Variants in KCNK2 observed in about 807,000 individuals in gnomAD.
KCNK2 encodes potassium two pore domain channel subfamily K member 2, also known as potassium channel subfamily K member 2.
KCNK2 carries 21 observed loss-of-function variants against 40.5 expected under a neutral mutation model. The observed-to-expected ratio is 0.52, with a 90% CI of 0.37 to 0.75. The LOEUF (loss-of-function observed/expected upper bound fraction) is 0.75. Ranked by LOEUF, KCNK2 falls within the 30% of genes least tolerant of loss-of-function variation. KCNK2 has a pLI of 0.00. For synonymous variants in KCNK2, 191 were observed against 202.2 expected, an observed-to-expected ratio of 0.94 and a Z score of 0.47; for missense variants, 399 against 531.6, an observed-to-expected ratio of 0.75 and a Z score of 2.45.
intron 1 of KCNK2, among the ~76,000 whole-genome samples, chr1:215,070,415 TAAAAAAAAAAAAAA>T (rs536258219): frequency 5.3e-5 from 5 of 93,584 alleles, no homozygotes; most frequent in Admixed American, 2.8e-4. Context: ...GACCCCGTCT[TAAAAAAAAAAAAAA>T]AAAAAAAAAA....
intron 5 of KCNK2, among the ~76,000 whole-genome samples, chr1:215,178,156 T>A (rs1455256898): frequency 6.6e-6 from 1 of 152,082 alleles, no homozygotes; most frequent in Non-Finnish European, 1.5e-5. Context: ...TTAATTTGGC[T>A]CTGATATTGA....
At chr1:215,205,564 C>T (rs1558138127) in intron 6 of KCNK2, among the ~76,000 whole-genome samples, 1 of 152,134 alleles carries the variant, frequency 6.6e-6, no homozygotes, top group Non-Finnish European at 1.5e-5. Context: ...TTAATTGCAT[C>T]TGTGAGTGCC....
chr1:215,165,495 G>A (rs2102629504), intron 3 of KCNK2, among the ~76,000 whole-genome samples: 1 of 152,224 alleles, frequency 6.6e-6, no homozygotes, highest in East Asian at 1.9e-4. Context: ...GCATACTGAT[G>A]AGGCTAAATA....
chr1:215,218,281 G>C (rs1336026073), intron 6 of KCNK2, among the ~76,000 whole-genome samples: 1 of 152,198 alleles, frequency 6.6e-6, no homozygotes. Context: ...GAAGTCTGAA[G>C]GTGAGTCACT....
rs375712483 is a variant in KCNK2 at position 215,177,740 on chromosome 1, A to ATTTTTTT, written c.823+5563_823+5569dup. Among the ~76,000 whole-genome samples, 526 of 101,570 alleles carry ATTTTTTT rather than the reference A, an allele frequency of 5.2e-3. 4 individuals carry two copies. Among genetic ancestry groups the ATTTTTTT allele is most frequent in the Middle Eastern group, 7.5e-3 (1 of 134 alleles). The allele number at this position is 101,570 out of a possible 152,430, so 66.6% of individuals were successfully genotyped here. ...TATATGTGTATATATATATATATAT[A>ATTTTTTT]TTTTTTTTTTTTGTAGCAGTACCAT... On this transcript the variant is annotated intron_variant, in intron 5 of 6. Transcript: ENST00000444842.
At chr1:215,230,507 GTATATATATA>G (rs201898524) in intron 6 of KCNK2, among the ~76,000 whole-genome samples, 5 of 65,580 alleles carry the variant, frequency 7.6e-5, no homozygotes, top group Admixed American at 5.5e-4. Context: ...ACACACGGCT[GTATATATATA>G]TATATATATA....
chr1:215,034,555 T>C (rs572900357), intron 1 of KCNK2, among the ~76,000 whole-genome samples: 32 of 147,016 alleles, frequency 2.2e-4, no homozygotes, highest in Non-Finnish European at 4.0e-4. Context: ...TTGAAAGTTC[T>C]GGTTGCTGCA....
At chr1:215,149,311 A>G (rs1185016623) in intron 3 of KCNK2, among the ~76,000 whole-genome samples, 2 of 152,112 alleles carry the variant, frequency 1.3e-5, no homozygotes, top group African/African-American at 4.8e-5. Context: ...GTGACAATTT[A>G]TGTTATTTAA....
intron 6 of KCNK2, among the ~76,000 whole-genome samples, chr1:215,217,482 T>G (rs1025336878): frequency 5.9e-5 from 9 of 152,266 alleles, no homozygotes; most frequent in African/African-American, 2.2e-4. Flanking sequence ...AATGAAGACT[T>G]GTTCTTTTCT....
At chr1:215,010,089 G>C (rs1433604278) in intron 1 of KCNK2, among the ~76,000 whole-genome samples, 1 of 152,134 alleles carries the variant, frequency 6.6e-6, no homozygotes, top group Non-Finnish European at 1.5e-5. Context: ...AATAGATTTT[G>C]AGGCTTGGGG....
chr1:215,121,497 A>G (rs910929917), intron 2 of KCNK2, among the ~76,000 whole-genome samples: 2 of 151,992 alleles, frequency 1.3e-5, no homozygotes, highest in African/African-American at 4.8e-5. Context: ...CTGGTCTCCA[A>G]CTCCAGAGCT....
At chr1:215,173,041 A>G (rs1161776534) in intron 5 of KCNK2, among the ~76,000 whole-genome samples, 2 of 152,144 alleles carry the variant, frequency 1.3e-5, no homozygotes, top group Non-Finnish European at 2.9e-5. Context: ...GGTTTGTTAC[A>G]CATGTGCCAT....
intron 5 of KCNK2, among the ~76,000 whole-genome samples, chr1:215,185,670 C>T (rs370233129): frequency 3.9e-5 from 6 of 152,110 alleles, no homozygotes; most frequent in Non-Finnish European, 8.8e-5. Flanking sequence ...ACAGTGTTCT[C>T]GCTTAATTTT....
At chr1:215,077,697 A>G (rs773071469) in intron 1 of KCNK2, among the ~76,000 whole-genome samples, 44 of 151,784 alleles carry the variant, frequency 2.9e-4, no homozygotes, top group Middle Eastern at 6.8e-3. Flanking sequence ...AGCTTTCCAA[A>G]TTCTCCCAGC....
intron 2 of KCNK2, among the ~76,000 whole-genome samples, chr1:215,115,023 G>C (rs1660866829): frequency 6.7e-6 from 1 of 149,260 alleles, no homozygotes; most frequent in African/African-American, 2.4e-5. Flanking sequence ...GTGTGTGTGT[G>C]TGTGTACAAA....
chr1:215,137,461 G>A (rs1197860575), intron 3 of KCNK2, among the ~76,000 whole-genome samples: 2 of 152,132 alleles, frequency 1.3e-5, no homozygotes, highest in African/African-American at 2.4e-5. Context: ...AGCAGAGACC[G>A]TATGGCCTCC....
chr1:215,070,957 A>G (rs1042450949), intron 1 of KCNK2, among the ~76,000 whole-genome samples: 1 of 152,240 alleles, frequency 6.6e-6, no homozygotes, highest in African/African-American at 2.4e-5. Context: ...TCCTGAGCAA[A>G]TTAAATTAAT....
chr1:215,080,576 G>T (rs185467272), upstream of KCNK2, among the ~76,000 whole-genome samples: 1 of 148,400 alleles, frequency 6.7e-6, no homozygotes, highest in Non-Finnish European at 1.5e-5. Flanking sequence ...TATCAAACAC[G>T]TATTTAGCAG....
chr1:215,013,467 G>A (rs1334960825), intron 1 of KCNK2, among the ~76,000 whole-genome samples: 1 of 152,108 alleles, frequency 6.6e-6, no homozygotes, highest in Non-Finnish European at 1.5e-5. Context: ...CAGTATTTAT[G>A]TCGGGATTTT....
Sources: gnomAD v4.1 joint callset for allele counts (sites outside exome capture counted in the v4.1 genomes callset) on GRCh38, gnomAD v4.1.1 for gene constraint, MANE v1.5 for transcripts, NCBI Gene and HGNC (gene_info 2026-07-23, HGNC 2026-07-21) for gene names.